Variants in FGF12 observed in about 807,000 individuals in gnomAD.
FGF12 encodes fibroblast growth factor 12, also known as fibroblast growth factor 12B.
FGF12 carries 14 observed loss-of-function variants against 23.6 expected under a neutral mutation model. The ratio of observed to expected loss-of-function variants is 0.59; its 90% confidence interval spans 0.39 to 0.93. The LOEUF (loss-of-function observed/expected upper bound fraction) is 0.93, where lower values mean the gene tolerates loss of function less well. Among genes scored for constraint, FGF12 ranks in the 40% least tolerant of loss-of-function variants. The pLI, the probability that FGF12 is intolerant of heterozygous loss-of-function variation, is 0.00. For missense variants in FGF12, 175 were observed against 217.8 expected (o/e 0.80, Z 1.24); for synonymous variants, 62 against 77.3 (o/e 0.80, Z 1.04).
chr3:192,311,235 C>T (rs976418886), intron 4 of FGF12, among the ~76,000 whole-genome samples: 1 of 152,058 alleles, frequency 6.6e-6, no homozygotes, highest in Non-Finnish European at 1.5e-5. Context: ...ACCATCACCC[C>T]AATTAATTTT....
intron 2 of FGF12, among the ~76,000 whole-genome samples, chr3:192,483,095 T>C (rs1723525497): frequency 6.6e-6 from 1 of 152,212 alleles, no homozygotes; most frequent in Admixed American, 6.5e-5. Context: ...AACCCTGCCG[T>C]CCAGCATTCC....
At chr3:192,326,282 G>A (rs1716815827) in intron 4 of FGF12, among the ~76,000 whole-genome samples, 4 of 152,152 alleles carry the variant, frequency 2.6e-5, no homozygotes, top group Admixed American at 2.6e-4. Flanking sequence ...TGCAGAAATT[G>A]GGAAAATGTT....
chr3:192,650,373 G>T (rs913765365), intron 2 of FGF12, among the ~76,000 whole-genome samples: 4 of 152,180 alleles, frequency 2.6e-5, no homozygotes, highest in African/African-American at 9.6e-5. Flanking sequence ...CCATGCCTTT[G>T]CACCTGCTAT....
chr3:192,605,778 T>C (rs1714314623), intron 2 of FGF12, among the ~76,000 whole-genome samples: 1 of 152,144 alleles, frequency 6.6e-6, no homozygotes, highest in African/African-American at 2.4e-5. Context: ...ATGTTCAACA[T>C]CACTAATTAT....
At chr3:192,399,410 T>A (rs923580394) in intron 2 of FGF12, among the ~76,000 whole-genome samples, 2 of 152,204 alleles carry the variant, frequency 1.3e-5, no homozygotes, top group Admixed American at 6.5e-5. Flanking sequence ...ATCTTGGGAA[T>A]GCCAGCCTCT....
chr3:192,273,789 G>T (rs1713601096), intron 4 of FGF12, among the ~76,000 whole-genome samples: 1 of 152,062 alleles, frequency 6.6e-6, no homozygotes, highest in Non-Finnish European at 1.5e-5. Flanking sequence ...TTCAATTTGT[G>T]TTTGCAACCT....
At chr3:192,622,516 G>C (rs1715011307) in intron 2 of FGF12, among the ~76,000 whole-genome samples, 1 of 152,156 alleles carries the variant, frequency 6.6e-6, no homozygotes, top group Non-Finnish European at 1.5e-5. Flanking sequence ...TCACTGTGGA[G>C]TTCAAGGCAG....
At chr3:192,277,221 A>G in intron 4 of FGF12, among the ~76,000 whole-genome samples, 1 of 152,206 alleles carries the variant, frequency 6.6e-6, no homozygotes, top group East Asian at 1.9e-4. Context: ...TCCCTATCAA[A>G]GAATAGATTG....
chr3:192,652,336 A>T (rs1716244522), intron 2 of FGF12, among the ~76,000 whole-genome samples: 1 of 152,180 alleles, frequency 6.6e-6, no homozygotes, highest in Non-Finnish European at 1.5e-5. Flanking sequence ...GCCAACATGG[A>T]AAGAAGAGCA....
intron 2 of FGF12, among the ~76,000 whole-genome samples, chr3:192,470,962 C>T (rs2108813538): frequency 6.6e-6 from 1 of 152,278 alleles, no homozygotes; most frequent in Non-Finnish European, 1.5e-5. Flanking sequence ...AGACATCTTG[C>T]CTGACCACCT....
rs544958468 is a variant in FGF12, at chr3:192,722,434, TTC to T, written c.13+4745_13+4746del. Among the ~76,000 whole-genome samples the T allele has an allele frequency of 1.2e-4, 19 of 152,324 alleles. No individual in the cohort carries two copies. The South Asian group carries it at 2.7e-3, about 22-fold the overall frequency. ...CATCCTGGCTTCAGAGAAATGACTGTTCTATACCTTAAGTGTGTTGGTTCATG... is the reference window on the plus strand; with the variant it reads ...CATCCTGGCTTCAGAGAAATGACTGTTATACCTTAAGTGTGTTGGTTCATG... On this transcript the variant is annotated intron_variant, in intron 2 of 5. Transcript: ENST00000445105.
chr3:192,576,997 A>G (rs1022881144), intron 2 of FGF12, among the ~76,000 whole-genome samples: 8 of 152,170 alleles, frequency 5.3e-5, no homozygotes, highest in Admixed American at 2.0e-4. Context: ...ATAAGTGGGA[A>G]TTGAACAATG....
intron 2 of FGF12, among the ~76,000 whole-genome samples, chr3:192,388,944 G>T (rs1208415186): frequency 6.6e-6 from 1 of 151,924 alleles, no homozygotes; most frequent in South Asian, 2.1e-4. Flanking sequence ...TGATGCCTGT[G>T]ATACCAAATT....
At chr3:192,278,813 C>T (rs910875673) in intron 4 of FGF12, among the ~76,000 whole-genome samples, 3 of 152,118 alleles carry the variant, frequency 2.0e-5, no homozygotes, top group African/African-American at 7.2e-5. Flanking sequence ...TAAGCGCTAC[C>T]CCCAGATTCT....
chr3:192,524,396 T>G (rs1027538934), intron 2 of FGF12, among the ~76,000 whole-genome samples: 10 of 152,324 alleles, frequency 6.6e-5, no homozygotes, highest in African/African-American at 2.4e-4. Context: ...CTATTAGTGT[T>G]AACTTTCAGA....
intron 2 of FGF12, among the ~76,000 whole-genome samples, chr3:192,567,752 T>TCTTTC (rs1491554206): frequency 1.4e-3 from 176 of 124,402 alleles, no homozygotes; most frequent in Non-Finnish European, 1.6e-3. Context: ...TTTCTTTCTT[T>TCTTTC]CTTTCTTTCT....
intron 2 of FGF12, among the ~76,000 whole-genome samples, chr3:192,579,416 G>A (rs975971960): frequency 2.0e-5 from 3 of 152,102 alleles, no homozygotes; most frequent in Non-Finnish European, 2.9e-5. Context: ...ACTGAATTGC[G>A]CATATATATT....
intron 4 of FGF12, among the ~76,000 whole-genome samples, chr3:192,326,054 A>G (rs186757519): frequency 1.8e-3 from 277 of 152,304 alleles, no homozygotes; most frequent in African/African-American, 6.4e-3. Context: ...TGATGCCTCT[A>G]TCAACCGATT....
chr3:192,365,978 A>T (rs1361769528), intron 2 of FGF12, among the ~76,000 whole-genome samples: 2 of 23,798 alleles, frequency 8.4e-5, no homozygotes, highest in African/African-American at 3.5e-3. Context: ...TTCAAAGGTA[A>T]AAAAAAAAAA....
Sources: gnomAD v4.1 joint callset for allele counts (sites outside exome capture counted in the v4.1 genomes callset) on GRCh38, gnomAD v4.1.1 for gene constraint, MANE v1.5 for transcripts, NCBI Gene and HGNC (gene_info 2026-07-23, HGNC 2026-07-21) for gene names.